The following LGR5 variants were observed in gnomAD, a reference collection of about 807,000 sequenced individuals.
LGR5 encodes the protein leucine-rich repeat-containing G protein-coupled receptor 5.
A neutral mutation model predicts 76.7 loss-of-function variants in LGR5; 54 were observed. The observed-to-expected ratio is 0.70, with a 90% confidence interval of 0.57 to 0.88. The LOEUF (loss-of-function observed/expected upper bound fraction) is 0.88, where lower values mean the gene tolerates loss of function less well. Ranked by LOEUF, LGR5 falls within the 40% of genes least tolerant of loss-of-function variation. The probability of loss-of-function intolerance (pLI) is 0.00; values close to 1 mark genes in which losing one functional copy is unlikely to be tolerated. For missense variants in LGR5, 1,078 were observed against 1,073.3 expected, an observed-to-expected ratio of 1.00 and a Z score of -0.06; for synonymous variants, 406 against 421.9, an observed-to-expected ratio of 0.96 and a Z score of 0.46.
chr12:71,480,804 C>T (rs1592476498), intron 1 of LGR5, among the ~76,000 whole-genome samples: 1 of 152,148 alleles, frequency 6.6e-6, no homozygotes, highest in Non-Finnish European at 1.5e-5. Flanking sequence ...CCTACGTTAT[C>T]TCATTTAATC....
chr12:71,545,560 T>G (rs1877113848), intron 4 of LGR5, among the ~76,000 whole-genome samples: 1 of 152,170 alleles, frequency 6.6e-6, no homozygotes, highest in Non-Finnish European at 1.5e-5. Flanking sequence ...ATAAACTGTA[T>G]TATGCAGCTG....
At chr12:71,439,420 G>C (rs1039978310), upstream of LGR5, among the ~76,000 whole-genome samples, 1 of 152,128 alleles carries the variant, frequency 6.6e-6, no homozygotes, top group Non-Finnish European at 1.5e-5. Flanking sequence ...AAGCGGGCTC[G>C]GAGGAAACGT....
intron 1 of LGR5, among the ~76,000 whole-genome samples, chr12:71,447,595 C>T (rs79684406): frequency 0.039 from 5,897 of 152,258 alleles, 113 homozygotes; most frequent in Middle Eastern, 0.082. Context: ...TTTTATCCTT[C>T]TTGCCTTCAG....
intron 4 of LGR5, among the ~76,000 whole-genome samples, chr12:71,538,862 A>G (rs981594105): frequency 6.6e-6 from 1 of 152,212 alleles, no homozygotes; most frequent in Admixed American, 6.5e-5. Flanking sequence ...TGTCTCTGAA[A>G]AAAAGGAAAA....
intron 2 of LGR5, among the ~76,000 whole-genome samples, chr12:71,518,531 A>G (rs1422769608): frequency 1.3e-5 from 2 of 152,242 alleles, no homozygotes; most frequent in Non-Finnish European, 2.9e-5. Context: ...TCATTCTATT[A>G]TAAAGACACA....
At chr12:71,519,349 C>G (rs1200348020) in intron 2 of LGR5, among the ~76,000 whole-genome samples, 1 of 152,128 alleles carries the variant, frequency 6.6e-6, no homozygotes, top group African/African-American at 2.4e-5. Context: ...GCTCTCTATC[C>G]CTTTGCCTTG....
intron 13 of LGR5, among the ~76,000 whole-genome samples, chr12:71,575,562 T>C (rs1035615130): frequency 6.6e-6 from 1 of 151,872 alleles, no homozygotes; most frequent in Non-Finnish European, 1.5e-5. Flanking sequence ...TACAAAAAAA[T>C]TAGCTGGGCA....
chr12:71,490,905 G>C (rs1314117089), intron 1 of LGR5, among the ~76,000 whole-genome samples: 1 of 152,180 alleles, frequency 6.6e-6, no homozygotes, highest in African/African-American at 2.4e-5. Context: ...TGGTTTGGCT[G>C]TGTCCCCACC....
intron 1 of LGR5, among the ~76,000 whole-genome samples, chr12:71,458,976 TAG>T (rs1341293616): frequency 1.3e-5 from 2 of 152,066 alleles, no homozygotes; most frequent in Non-Finnish European, 2.9e-5. Context: ...GAGGATGAGT[TAG>T]AGTTAGCCAA....
chr12:71,458,059 C>A (rs554179863), intron 1 of LGR5, among the ~76,000 whole-genome samples: 2 of 152,010 alleles, frequency 1.3e-5, no homozygotes, highest in Non-Finnish European at 2.9e-5. Context: ...CACATGTAGT[C>A]ATTAGATGAG....
At chr12:71,457,828 C>G (rs1872546591) in intron 1 of LGR5, among the ~76,000 whole-genome samples, 1 of 152,122 alleles carries the variant, frequency 6.6e-6, no homozygotes, top group South Asian at 2.1e-4. Context: ...TATTTGAACC[C>G]CAAGCTGTTG....
chr12:71,581,900 T>C (rs1258585234), intron 16 of LGR5, among the ~76,000 whole-genome samples: 2 of 152,232 alleles, frequency 1.3e-5, no homozygotes, highest in South Asian at 4.1e-4. Flanking sequence ...ATGAGACCAA[T>C]TAAATCTGTA....
At chr12:71,483,482 T>A (rs892566319) in intron 1 of LGR5, among the ~76,000 whole-genome samples, 9 of 152,168 alleles carry the variant, frequency 5.9e-5, no homozygotes, top group Non-Finnish European at 1.0e-4. Context: ...CCTCCTCATG[T>A]GTATGGTACT....
intron 3 of LGR5, among the ~76,000 whole-genome samples, chr12:71,531,839 G>A (rs1448346055): frequency 3.3e-5 from 5 of 152,144 alleles, no homozygotes; most frequent in East Asian, 1.9e-4. Flanking sequence ...CTGCACTCCC[G>A]TGTGGGCGAC....
chr12:71,526,790 G>A (rs987674213), intron 3 of LGR5, among the ~76,000 whole-genome samples: 1 of 152,200 alleles, frequency 6.6e-6, no homozygotes, highest in African/African-American at 2.4e-5. Context: ...TGGCTTCCTA[G>A]GAGAGAGGCT....
chr12:71,453,898 C>T (rs548175607), intron 1 of LGR5, among the ~76,000 whole-genome samples: 3 of 152,060 alleles, frequency 2.0e-5, no homozygotes, highest in Admixed American at 1.3e-4. Flanking sequence ...TCAGTGATGG[C>T]GATGAGGCTA....
intron 1 of LGR5, among the ~76,000 whole-genome samples, chr12:71,463,206 T>TACCAC (rs928358908): frequency 3.3e-5 from 5 of 152,132 alleles, no homozygotes; most frequent in African/African-American, 1.2e-4. Context: ...CATTCCTGGG[T>TACCAC]ACCACCTCCA....
At chr12:71,567,941 C>T (rs911831015) in intron 11 of LGR5, among the ~76,000 whole-genome samples, 9 of 151,958 alleles carry the variant, frequency 5.9e-5, no homozygotes, top group African/African-American at 1.7e-4. Flanking sequence ...AAGAAAGAAG[C>T]GAGTTTGAAT....
chr12:71,560,603 C>A (rs1053909194), intron 7 of LGR5, among the ~76,000 whole-genome samples: 1 of 152,140 alleles, frequency 6.6e-6, no homozygotes, highest in African/African-American at 2.4e-5. Context: ...ACCAGCCTGG[C>A]CAACATGGTG....
Sources: allele counts gnomAD v4.1 joint callset (sites outside exome capture counted in the v4.1 genomes callset), GRCh38; gene constraint gnomAD v4.1.1; transcripts MANE v1.5; gene names NCBI Gene and HGNC (gene_info 2026-07-23, HGNC 2026-07-21).